The following DIAPH2 variants were observed in gnomAD, a reference collection of about 807,000 sequenced individuals.
DIAPH2 encodes diaphanous related formin 2, also known as protein diaphanous homolog 2.
DIAPH2 carries 35 observed loss-of-function variants against 92.7 expected under a neutral mutation model. The observed-to-expected ratio is 0.38, with a 90% CI of 0.29 to 0.50. The LOEUF is 0.50. Among genes scored for constraint, DIAPH2 ranks in the 20% least tolerant of loss-of-function variants. The probability of loss-of-function intolerance (pLI) is 0.94; values close to 1 mark genes in which losing one functional copy is unlikely to be tolerated. For missense variants in DIAPH2, 701 were observed against 819.5 expected, an observed-to-expected ratio of 0.86 and a Z score of 1.77; for synonymous variants, 301 against 280.4, an observed-to-expected ratio of 1.07 and a Z score of -0.73.
At chrX:96,709,781 C>G (rs777169659) in intron 1 of DIAPH2, among the ~76,000 whole-genome samples, 1 of 111,860 alleles carries the variant, frequency 8.9e-6, no homozygotes, top group African/African-American at 3.2e-5. Flanking sequence ...CCTTCTTTGC[C>G]ATTTCTAGGT....
intron 17 of DIAPH2, among the ~76,000 whole-genome samples, chrX:97,059,005 A>G (rs1179070648): frequency 8.9e-6 from 1 of 112,103 alleles, no homozygotes; most frequent in Non-Finnish European, 1.9e-5. Context: ...AGAAAGTGAC[A>G]TTTGACTTCG....
intron 5 of DIAPH2, among the ~76,000 whole-genome samples, chrX:96,909,255 G>A (rs1002683714): frequency 3.6e-5 from 4 of 111,472 alleles, no homozygotes; most frequent in Non-Finnish European, 7.5e-5. Flanking sequence ...GTGTTTCAAT[G>A]TCAGAATTTC....
At chrX:96,714,444 A>G (rs1198691014) in intron 1 of DIAPH2, among the ~76,000 whole-genome samples, 1 of 109,836 alleles carries the variant, frequency 9.1e-6, no homozygotes, top group Non-Finnish European at 1.9e-5. Context: ...TTGTATTTTT[A>G]GTAGAGACTG....
intron 4 of DIAPH2, among the ~76,000 whole-genome samples, chrX:96,784,062 A>G: frequency 8.9e-6 from 1 of 112,136 alleles, no homozygotes; most frequent in Non-Finnish European, 1.9e-5. Flanking sequence ...TATTTTCCTA[A>G]AATGCCTCAT....
chrX:96,989,593 G>A (rs940155386), intron 17 of DIAPH2, among the ~76,000 whole-genome samples: 5 of 111,775 alleles, frequency 4.5e-5, no homozygotes, highest in African/African-American at 1.6e-4. Context: ...TTGGAGAATT[G>A]CATTCTATAA....
intron 4 of DIAPH2, among the ~76,000 whole-genome samples, chrX:96,872,891 G>A (rs2065153247): frequency 1.8e-5 from 2 of 111,923 alleles, no homozygotes; most frequent in Admixed American, 9.5e-5. Flanking sequence ...AAATATGGGA[G>A]TGCAGATATC....
chrX:97,092,045 G>T (rs1330877455), intron 19 of DIAPH2, among the ~76,000 whole-genome samples: 1 of 111,345 alleles, frequency 9.0e-6, no homozygotes, highest in African/African-American at 3.3e-5. Flanking sequence ...TTTTCTGGAG[G>T]TATTACCTTT....
chrX:97,196,702 A>G (rs1225363566), intron 22 of DIAPH2, among the ~76,000 whole-genome samples: 1 of 111,656 alleles, frequency 9.0e-6, no homozygotes, highest in African/African-American at 3.3e-5. Context: ...CAATTTCTAT[A>G]TTGAGAGTGT....
chrX:97,046,768 G>A (rs1274429400), intron 17 of DIAPH2, among the ~76,000 whole-genome samples: 1 of 111,806 alleles, frequency 8.9e-6, no homozygotes, highest in Non-Finnish European at 1.9e-5. Context: ...ACTAGACAGG[G>A]AGGCAAGTGA....
intron 26 of DIAPH2, among the ~76,000 whole-genome samples, chrX:97,597,749 G>A (rs1367400293): frequency 8.9e-6 from 1 of 111,768 alleles, no homozygotes; most frequent in African/African-American, 3.3e-5. Flanking sequence ...CTTTATTCGG[G>A]AATGTTATCT....
intron 22 of DIAPH2, among the ~76,000 whole-genome samples, chrX:97,218,779 T>C (rs1262970172): frequency 8.9e-6 from 1 of 112,039 alleles, no homozygotes; most frequent in Admixed American, 9.5e-5. Flanking sequence ...AGGTTACTTA[T>C]GATACCTAAT....
intron 24 of DIAPH2, among the ~76,000 whole-genome samples, chrX:97,379,059 A>G (rs1442101240): frequency 8.9e-6 from 1 of 112,064 alleles, no homozygotes; most frequent in Non-Finnish European, 1.9e-5. Flanking sequence ...TCACGCGGGT[A>G]ACCAGAATGA....
intron 4 of DIAPH2, among the ~76,000 whole-genome samples, chrX:96,789,135 AC>A (rs1196996535): frequency 8.9e-6 from 1 of 112,023 alleles, no homozygotes; most frequent in African/African-American, 3.2e-5. Context: ...GGAGGAATCT[AC>A]TGGTGGGCTG....
chrX:96,709,500 T>C (rs1448626228), intron 1 of DIAPH2, among the ~76,000 whole-genome samples: 1 of 112,034 alleles, frequency 8.9e-6, no homozygotes, highest in Admixed American at 9.5e-5. Flanking sequence ...TTCTATCTTC[T>C]AAAGAAAATG....
At chrX:97,123,370 C>T (rs1386180288) in intron 21 of DIAPH2, among the ~76,000 whole-genome samples, 1 of 111,836 alleles carries the variant, frequency 8.9e-6, no homozygotes, top group Non-Finnish European at 1.9e-5. Flanking sequence ...TCATGTAAAT[C>T]AATACACCAA....
chrX:96,835,676 A>T (rs1439305179), intron 4 of DIAPH2, among the ~76,000 whole-genome samples: 1 of 112,016 alleles, frequency 8.9e-6, no homozygotes, highest in Non-Finnish European at 1.9e-5. Context: ...TTGAGTAGAG[A>T]TTTGCTTTTA....
rs1052938013 is a variant in DIAPH2 at position 97,124,103 on chromosome X, T to A, written c.2589+9138T>A. 2.7e-5 allele frequency among the ~76,000 whole-genome samples: 3 copies of A among 112,175 alleles called. No homozygotes were observed. The South Asian group carries it at 1.1e-3, about 42-fold the overall frequency. On this transcript the variant is annotated intron_variant, in intron 21 of 26. Coordinates refer to ENST00000324765, the MANE Select transcript of DIAPH2 (RefSeq NM_006729.5). ...GTTCTCTGTAGCCTACATTAAGAAA[T>A]TGAAATGAGACAAAACACTAACTTT...
At chrX:97,322,707 C>T (rs1364030305) in intron 23 of DIAPH2, among the ~76,000 whole-genome samples, 2 of 110,155 alleles carry the variant, frequency 1.8e-5, no homozygotes, top group African/African-American at 6.6e-5. Flanking sequence ...CAAAAAAAAA[C>T]CCTTTCACAT....
intron 25 of DIAPH2, among the ~76,000 whole-genome samples, chrX:97,406,497 A>G (rs1424364870): frequency 8.9e-6 from 1 of 112,201 alleles, no homozygotes; most frequent in Non-Finnish European, 1.9e-5. Context: ...AGCCTCACAC[A>G]GTTGGATAAT....
Sources: gnomAD v4.1 joint callset for allele counts (sites outside exome capture counted in the v4.1 genomes callset) on GRCh38, gnomAD v4.1.1 for gene constraint, MANE v1.5 for transcripts, NCBI Gene and HGNC (gene_info 2026-07-23, HGNC 2026-07-21) for gene names.